AGAP1: variants seen among roughly 807,000 people sequenced by gnomAD.
The protein encoded by AGAP1 is ArfGAP with GTPase domain, ankyrin repeat and PH domain 1.
AGAP1 carries 29 observed loss-of-function variants against 105.3 expected under a neutral mutation model. The ratio of observed to expected loss-of-function variants is 0.28; its 90% CI spans 0.21 to 0.38. AGAP1 has a LOEUF of 0.38. Among genes scored for constraint, AGAP1 ranks in the 10% least tolerant of loss-of-function variants. The probability of loss-of-function intolerance (pLI) is 1.00; values close to 1 mark genes in which losing one functional copy is unlikely to be tolerated. For missense variants in AGAP1, 998 were observed against 1,165.1 expected, an observed-to-expected ratio of 0.86 and a Z score of 2.09; for synonymous variants, 509 against 485.9, an observed-to-expected ratio of 1.05 and a Z score of -0.63.
rs1014321276 is a variant in AGAP1 at position 235,845,107 on chromosome 2, A to T, written c.1050+37776A>T. Among the ~76,000 whole-genome samples, 18 of 152,168 alleles carry T rather than the reference A, an allele frequency of 1.2e-4. No individual in the cohort carries two copies. Among genetic ancestry groups the T allele is most frequent in the Admixed American group, 9.8e-4 (15 of 15,270 alleles). On this transcript the variant is annotated intron_variant, in intron 9 of 17. Transcript: ENST00000304032. This position sits in a 1 kb window ranked among gnomAD's most constrained non-coding sequence, Gnocchi z 4.8. ...GCAGCCTCCTAACAAGTCCTGTGTC[A>T]TCCTGTTTAGCCGTTCGCTCAAACA...
rs1280728931 is a variant in AGAP1, at chr2:236,012,975, G to A, written c.1646-23586G>A. ...TTGGCCAGGCTGGTTTCGAACTTCT[G>A]TCCTCAAGTGATCCGCCCACCTCAG... On this transcript the variant is annotated intron_variant, in intron 13 of 17. Transcript: ENST00000304032. The surrounding 1 kb of genome is among the most constrained non-coding windows in gnomAD (Gnocchi z 4.9). Among the ~76,000 whole-genome samples, 1 of 151,934 alleles carries A rather than the reference G, an allele frequency of 6.6e-6. No homozygotes were observed. The highest frequency in any genetic ancestry group is 1.9e-4 in the East Asian group (1 of 5,174).
intron 12 of AGAP1, among the ~76,000 whole-genome samples, chr2:235,950,981 A>G (rs1217546564): frequency 1.4e-5 from 2 of 147,654 alleles, no homozygotes; most frequent in Non-Finnish European, 3.0e-5. Flanking sequence ...TTGGTGGTGC[A>G]AACAAAGTCA....
rs913552258 is a variant in AGAP1 at position 235,723,782 on chromosome 2, G to GTTGGTTGA, written c.310+6145_310+6146insATTGGTTG. Among the ~76,000 whole-genome samples, 2 of 146,394 alleles carry GTTGGTTGA rather than the reference G, an allele frequency of 1.4e-5. No homozygotes were observed. The highest frequency in any genetic ancestry group is 4.9e-5 in the African/African-American group (2 of 40,936). On this transcript the variant is annotated intron_variant, in intron 3 of 17. Coordinates refer to ENST00000304032, the MANE Select transcript of AGAP1 (RefSeq NM_001037131.3). The surrounding 1 kb of genome is among the most constrained non-coding windows in gnomAD (Gnocchi z 6.2). ...GCTTTTATCGTTGGTTGGTTGGTTG[G>GTTGGTTGA]TTGGTTGGTTGGTTGGTTGGTCGAT...
rs1944684192 is a variant in AGAP1, at chr2:235,574,928, G to T, written c.163+80079G>T. ...ACTTGAGCTCAGGAGTTCGACACCAGCCTAGGCAACATGGCAAAGCCCTGA... is the reference window on the plus strand; with the variant it reads ...ACTTGAGCTCAGGAGTTCGACACCATCCTAGGCAACATGGCAAAGCCCTGA... On this transcript the variant is annotated intron_variant, in intron 1 of 17. Coordinates refer to ENST00000304032, the MANE Select transcript of AGAP1 (RefSeq NM_001037131.3). This position sits in a 1 kb window ranked among gnomAD's most constrained non-coding sequence, Gnocchi z 5.0. Among the ~76,000 whole-genome samples the T allele has an allele frequency of 6.6e-6, 1 of 152,110 alleles. No homozygotes were observed. The highest frequency in any genetic ancestry group is 1.5e-5 in the Non-Finnish European group (1 of 68,026).
intron 1 of AGAP1, among the ~76,000 whole-genome samples, chr2:235,679,252 C>T (rs1313732013): frequency 1.3e-5 from 2 of 152,156 alleles, no homozygotes; most frequent in South Asian, 2.1e-4. Context: ...CACTGTGCAG[C>T]CCAGCACCAT....
At chr2:235,922,045 G>A (rs1575785726) in intron 11 of AGAP1, among the ~76,000 whole-genome samples, 1 of 152,198 alleles carries the variant, frequency 6.6e-6, no homozygotes, top group African/African-American at 2.4e-5. Flanking sequence ...TGTTAACGTC[G>A]CCTCCTTCAT....
chr2:236,015,658 G>T (rs890698674), intron 13 of AGAP1, among the ~76,000 whole-genome samples: 4 of 152,122 alleles, frequency 2.6e-5, no homozygotes, highest in South Asian at 2.1e-4. Flanking sequence ...GGAGGCGGGG[G>T]CATCGGGCGT....
At chr2:235,819,828 GC>G (rs1396204565) in intron 9 of AGAP1, among the ~76,000 whole-genome samples, 1 of 151,938 alleles carries the variant, frequency 6.6e-6, no homozygotes, top group Non-Finnish European at 1.5e-5. Context: ...TATTTGGTAG[GC>G]AGGTTGCTGG....
rs3738989 is a variant in AGAP1 at position 236,049,362 on chromosome 2, G to T, written c.2114+81G>T. The T allele has an allele frequency of 1.9e-3, 2,496 of 1,288,946 alleles. 40 individuals are homozygous for T. In the African/African-American group the frequency reaches 0.033, roughly 17 times the overall value. 79.8% of individuals were successfully genotyped at this position (1,288,946 alleles called of 1,614,324 possible). On this transcript the variant is annotated intron_variant, in intron 16 of 17. Coordinates refer to ENST00000304032, the MANE Select transcript of AGAP1 (RefSeq NM_001037131.3). ...TGGAAGTGATCATAATGACAGCCAC[G>T]GTTGGGAAGGCCCTGATAACCTGTA...
intron 13 of AGAP1, among the ~76,000 whole-genome samples, chr2:235,987,133 T>TTATTTATG (rs1378504458): frequency 2.0e-5 from 3 of 151,188 alleles, no homozygotes; most frequent in African/African-American, 7.3e-5. Flanking sequence ...ATTTATTTAT[T>TTATTTATG]TATTTATTGG....
At chr2:235,521,742 A>ATGTATGTGTGTGTG (rs750369759) in intron 1 of AGAP1, among the ~76,000 whole-genome samples, 35 of 121,610 alleles carry the variant, frequency 2.9e-4, no homozygotes, top group African/African-American at 1.0e-3. Flanking sequence ...TGTTATATAT[A>ATGTATGTGTGTGTG]TGTGTGTGTG....
chr2:235,836,743 G>A (rs1960207876), intron 9 of AGAP1, among the ~76,000 whole-genome samples: 1 of 152,222 alleles, frequency 6.6e-6, no homozygotes, highest in South Asian at 2.1e-4. Context: ...AGCGGGAGAA[G>A]ATGGAGACAG....
intron 13 of AGAP1, among the ~76,000 whole-genome samples, chr2:236,030,702 G>A (rs572544393): frequency 1.5e-4 from 23 of 152,334 alleles, no homozygotes; most frequent in African/African-American, 5.3e-4. Flanking sequence ...CTGCTGTGTT[G>A]TGATGCAGTC....
intron 9 of AGAP1, among the ~76,000 whole-genome samples, chr2:235,873,322 C>G (rs1057153297): frequency 6.6e-6 from 1 of 152,216 alleles, no homozygotes; most frequent in Non-Finnish European, 1.5e-5. Context: ...CATTTGTAGT[C>G]CAATTGAACC....
In AGAP1 at chr2:235,725,748, T is replaced by C. The variant is rs1951612394; in HGVS notation, c.310+8104T>C. On this transcript the variant is annotated intron_variant, in intron 3 of 17. Coordinates refer to ENST00000304032, the MANE Select transcript of AGAP1 (RefSeq NM_001037131.3). The surrounding 1 kb of genome is among the most constrained non-coding windows in gnomAD (Gnocchi z 5.7). ...TCACTGATGATTTTCAGAATTAACC[T>C]GATCACTCACCATGGAAATACCATT... 6.6e-6 allele frequency among the ~76,000 whole-genome samples: 1 copy of C among 152,362 alleles called. No individual in the cohort carries two copies. Among genetic ancestry groups the C allele is most frequent in the African/African-American group, 2.4e-5 (1 of 41,592 alleles).
chr2:235,810,424 C>G (rs1388924105), intron 9 of AGAP1, among the ~76,000 whole-genome samples: 2 of 152,176 alleles, frequency 1.3e-5, no homozygotes, highest in Non-Finnish European at 2.9e-5. Context: ...GTTTTAGAAC[C>G]CCAGCAACCT....
In AGAP1 at chr2:235,550,100, A is replaced by G. The variant is rs964670019; in HGVS notation, c.163+55251A>G. The stretch of plus-strand genomic sequence containing the variant: ...GTTGCTGCTTCAGAGATCAAGTGGC[A>G]TGTCCACATCTGGAGTAGACCCTGA... On this transcript the variant is annotated intron_variant, in intron 1 of 17. Transcript: ENST00000304032. This position sits in a 1 kb window ranked among gnomAD's most constrained non-coding sequence, Gnocchi z 4.6. Among the ~76,000 whole-genome samples, 1 of 152,202 alleles carries G rather than the reference A, an allele frequency of 6.6e-6. No homozygotes were observed. Among genetic ancestry groups the G allele is most frequent in the African/African-American group, 2.4e-5 (1 of 41,458 alleles).
intron 13 of AGAP1, among the ~76,000 whole-genome samples, chr2:236,013,386 A>G (rs1180256506): frequency 6.6e-6 from 1 of 152,166 alleles, no homozygotes; most frequent in Non-Finnish European, 1.5e-5. Flanking sequence ...CTACAACCAC[A>G]GCCTCAGCTG....
chr2:236,014,703 C>T lies in AGAP1; in HGVS notation c.1646-21858C>T, dbSNP rs913334874. On this transcript the variant is annotated intron_variant, in intron 13 of 17. Coordinates refer to ENST00000304032, the MANE Select transcript of AGAP1 (RefSeq NM_001037131.3). The surrounding 1 kb of genome is among the most constrained non-coding windows in gnomAD (Gnocchi z 6.3). Reference sequence around the variant, plus strand: ...CGCAGACAGCTCGGAGGCAACGTCACGTGCTACTTTGACCTTTTTTTTTCT... The same window carrying T: ...CGCAGACAGCTCGGAGGCAACGTCATGTGCTACTTTGACCTTTTTTTTTCT... 2 of 361,020 alleles carry T rather than the reference C, an allele frequency of 5.5e-6. No homozygotes were observed. The highest frequency in any genetic ancestry group is 4.3e-5 in the South Asian group (2 of 46,496). The allele number at this position is 361,020 out of a possible 1,614,324, so 22.4% of individuals were successfully genotyped here.
Sources: gnomAD v4.1 joint callset for allele counts (sites outside exome capture counted in the v4.1 genomes callset) on GRCh38, gnomAD v4.1.1 for gene constraint, Gnocchi (gnomAD v3.1) non-coding constraint, MANE v1.5 for transcripts, NCBI Gene and HGNC (gene_info 2026-07-23, HGNC 2026-07-21) for gene names.